Variants in PTPRD observed in about 807,000 individuals in gnomAD.
The protein encoded by PTPRD is receptor-type tyrosine-protein phosphatase delta.
PTPRD carries 34 observed loss-of-function variants against 214.5 expected under a neutral mutation model. The ratio of observed to expected loss-of-function variants is 0.16; its 90% confidence interval spans 0.12 to 0.21. PTPRD has a LOEUF of 0.21. Ranked by LOEUF, PTPRD falls within the 10% of genes least tolerant of loss-of-function variation. The pLI, the probability that PTPRD is intolerant of heterozygous loss-of-function variation, is 1.00. For synonymous variants in PTPRD, 1,128 were observed against 845.7 expected, an observed-to-expected ratio of 1.33 and a Z score of -5.79; for missense variants, 2,545 against 2,398.7, an observed-to-expected ratio of 1.06 and a Z score of -1.27.
intron 11 of PTPRD, among the ~76,000 whole-genome samples, chr9:8,759,784 A>G (rs1172619520): frequency 2.6e-5 from 4 of 152,120 alleles, no homozygotes; most frequent in African/African-American, 2.4e-5. Flanking sequence ...TCCTGGTCCT[A>G]TAATAAATCC....
chr9:8,346,145 A>G (rs895153467), intron 39 of PTPRD, among the ~76,000 whole-genome samples: 4 of 152,006 alleles, frequency 2.6e-5, no homozygotes, highest in African/African-American at 9.7e-5. Flanking sequence ...CTGAAAAATC[A>G]TCTTAGACTC....
chr9:9,882,193 C>T (rs527810035), intron 5 of PTPRD, among the ~76,000 whole-genome samples: 1 of 152,136 alleles, frequency 6.6e-6, no homozygotes, highest in African/African-American at 2.4e-5. Flanking sequence ...TGCCCTTCAC[C>T]ACCTGAATTT....
At chr9:10,169,827 C>A (rs1253758402) in intron 3 of PTPRD, among the ~76,000 whole-genome samples, 1 of 151,952 alleles carries the variant, frequency 6.6e-6, no homozygotes. Flanking sequence ...AGTAGACATG[C>A]AAAGAAATAA....
intron 2 of PTPRD, among the ~76,000 whole-genome samples, chr9:10,463,299 T>A (rs533671807): frequency 5.3e-5 from 8 of 152,222 alleles, no homozygotes; most frequent in Middle Eastern, 3.4e-3. Flanking sequence ...TATATGAGAA[T>A]TCATGTTGCT....
At chr9:10,390,260 T>C (rs200723306) in intron 2 of PTPRD, among the ~76,000 whole-genome samples, 20 of 151,912 alleles carry the variant, frequency 1.3e-4, no homozygotes, top group Non-Finnish European at 2.5e-4. Flanking sequence ...TACCATGTGG[T>C]CTTAGACTCT....
At chr9:10,428,327 G>A (rs1342642205) in intron 2 of PTPRD, among the ~76,000 whole-genome samples, 1 of 151,876 alleles carries the variant, frequency 6.6e-6, no homozygotes, top group Non-Finnish European at 1.5e-5. Context: ...AAATCATATT[G>A]CAGAATTTCT....
At chr9:8,834,935 G>C (rs762180110) in intron 11 of PTPRD, among the ~76,000 whole-genome samples, 1 of 152,160 alleles carries the variant, frequency 6.6e-6, no homozygotes, top group Admixed American at 6.5e-5. Flanking sequence ...GGGTTATTCA[G>C]AGCAAATAAT....
intron 5 of PTPRD, among the ~76,000 whole-genome samples, chr9:9,895,556 G>C (rs559879329): frequency 6.6e-6 from 1 of 152,100 alleles, no homozygotes; most frequent in Admixed American, 6.6e-5. Context: ...TAGAAGTAGG[G>C]ACTACAATGG....
At chr9:10,379,248 TTG>T (rs971908320) in intron 2 of PTPRD, among the ~76,000 whole-genome samples, 13 of 151,038 alleles carry the variant, frequency 8.6e-5, no homozygotes, top group African/African-American at 2.7e-4. Context: ...ATAGTTTTTT[TTG>T]TGTGTGTGTG....
intron 11 of PTPRD, among the ~76,000 whole-genome samples, chr9:8,952,988 G>T (rs2099111309): frequency 6.6e-6 from 1 of 151,842 alleles, no homozygotes; most frequent in Non-Finnish European, 1.5e-5. Context: ...ATGTTTGCAG[G>T]CCCAGAAATC....
chr9:8,481,939 T>G (rs1449080250), intron 30 of PTPRD, among the ~76,000 whole-genome samples: 1 of 152,102 alleles, frequency 6.6e-6, no homozygotes, highest in Non-Finnish European at 1.5e-5. Flanking sequence ...TGCGCCACCA[T>G]GCCCGGCTAA....
intron 9 of PTPRD, among the ~76,000 whole-genome samples, chr9:9,284,354 G>T (rs1948706421): frequency 6.6e-6 from 1 of 151,540 alleles, no homozygotes; most frequent in Non-Finnish European, 1.5e-5. Context: ...AGTGATTCTG[G>T]AGTCATGAAT....
intron 12 of PTPRD, among the ~76,000 whole-genome samples, chr9:8,703,531 T>C (rs1485161932): frequency 5.3e-5 from 8 of 152,182 alleles, no homozygotes; most frequent in Admixed American, 5.2e-4. Context: ...CAAACCTCTA[T>C]GCATGCGGCC....
chr9:10,260,970 A>G lies in PTPRD; in HGVS notation c.-545+79993T>C, dbSNP rs1232746615. Among the ~76,000 whole-genome samples the G allele has an allele frequency of 2.0e-5, 3 of 147,382 alleles. No individual in the cohort carries two copies. In the East Asian group the frequency reaches 5.8e-4, roughly 29 times the overall value. On this transcript the variant is annotated intron_variant, in intron 3 of 45. Coordinates refer to ENST00000381196, the MANE Select transcript of PTPRD (RefSeq NM_002839.4). ...TATATACATGTGTGTGTGTATATAT[A>G]TATGTGTGTATATATATGTATATAT...
chr9:8,929,199 G>T (rs2098926946), intron 11 of PTPRD, among the ~76,000 whole-genome samples: 1 of 152,026 alleles, frequency 6.6e-6, no homozygotes, highest in African/African-American at 2.4e-5. Context: ...TTGCCTGATT[G>T]CCCTGGCCAG....
At chr9:8,759,764 T>C (rs1458110511) in intron 11 of PTPRD, among the ~76,000 whole-genome samples, 1 of 152,166 alleles carries the variant, frequency 6.6e-6, no homozygotes, top group Non-Finnish European at 1.5e-5. Flanking sequence ...AACATTCACT[T>C]GAAATTCTCT....
chr9:8,484,124 A>G lies in PTPRD; in HGVS notation c.3408T>C (p.Asn1136=), dbSNP rs1361368558. Residue 1136 remains asparagine (N), a synonymous_variant, in exon 30 of 46, where the codon AAT becomes AAC. Transcript: ENST00000381196. ...TAAGCCTTCAATCAACTTACTTTAT[A>G]TTCTCATTTGCAGGTACTTCAGGCA... ...VQLPEVPANE[N]IKGYYIIIVP... 3 of 1,613,044 alleles carry G rather than the reference A, an allele frequency of 1.9e-6. No individual in the cohort carries two copies. Among genetic ancestry groups the G allele is most frequent in the Non-Finnish European group, 2.5e-6 (3 of 1,179,232 alleles).
intron 3 of PTPRD, among the ~76,000 whole-genome samples, chr9:10,220,066 A>G (rs1453244056): frequency 6.6e-6 from 1 of 151,906 alleles, no homozygotes; most frequent in Non-Finnish European, 1.5e-5. Context: ...ATAATTTTAC[A>G]TATTTTATAC....
intron 6 of PTPRD, among the ~76,000 whole-genome samples, chr9:9,738,131 T>C (rs2098333208): frequency 6.6e-6 from 1 of 152,068 alleles, no homozygotes; most frequent in Non-Finnish European, 1.5e-5. Context: ...AGGGATAGCA[T>C]TAGGAGATAT....
Sources: gnomAD v4.1 joint callset for allele counts (sites outside exome capture counted in the v4.1 genomes callset) on GRCh38, gnomAD v4.1.1 for gene constraint, MANE v1.5 for transcripts, NCBI Gene and HGNC (gene_info 2026-07-23, HGNC 2026-07-21) for gene names.